Variants in VCAN observed in about 807,000 individuals in gnomAD.
VCAN encodes the protein versican core protein.
A neutral mutation model predicts 245.5 loss-of-function variants in VCAN; 44 were observed. The observed-to-expected ratio is 0.18, with a 90% CI of 0.14 to 0.23. VCAN has a LOEUF of 0.23. VCAN is among the 10% of genes least tolerant of loss of function. The pLI, the probability that VCAN is intolerant of heterozygous loss-of-function variation, is 1.00. For synonymous variants in VCAN, 1,413 were observed against 1,437.0 expected (o/e 0.98, Z 0.38); for missense variants, 3,793 against 4,057.9 (o/e 0.93, Z 1.77).
chr5:83,509,598 G>C (rs1745591392), intron 5 of VCAN, among the ~76,000 whole-genome samples: 1 of 152,194 alleles, frequency 6.6e-6, no homozygotes, highest in Admixed American at 6.5e-5. Context: ...AAGAGGAATG[G>C]TAGTTTCGCC....
rs772665644 is a variant in VCAN at position 83,539,625 on chromosome 5, G to T, written c.6622G>T (p.Ala2208Ser). 1.2e-5 allele frequency: 19 copies of T among 1,614,012 alleles called. No individual in the cohort carries two copies. Among genetic ancestry groups the T allele is most frequent in the Non-Finnish European group, 1.4e-5 (16 of 1,179,976 alleles). ...TACTGAAAAGTCACATTTTTTCTTAGCTACTGCATTAGTAACTGAATCTAT... is the reference window on the plus strand; with the variant it reads ...TACTGAAAAGTCACATTTTTTCTTATCTACTGCATTAGTAACTGAATCTAT... Reference protein sequence around the residue: ...EATEKSHFFLATALVTESIPA... With the variant: ...EATEKSHFFLSTALVTESIPA... Residue 2208 changes from alanine to serine, a missense_variant, in exon 8 of 15, where the codon GCT becomes TCT. Physicochemically the swap from Ala to Ser is moderately conservative, Grantham distance 99 (BLOSUM62 1). Transcript: ENST00000265077.
intron 1 of VCAN, among the ~76,000 whole-genome samples, chr5:83,474,977 CTT>C (rs1368753810): frequency 2.0e-5 from 3 of 152,110 alleles, no homozygotes; most frequent in East Asian, 1.9e-4. Flanking sequence ...AAAAATGAGA[CTT>C]TATACCGTAT....
At chr5:83,491,863 T>G (rs1744993065) in intron 3 of VCAN, among the ~76,000 whole-genome samples, 2 of 152,238 alleles carry the variant, frequency 1.3e-5, no homozygotes, top group East Asian at 3.8e-4. Context: ...CCAAGAAGAC[T>G]ATTTGAAGCT....
intron 12 of VCAN, among the ~76,000 whole-genome samples, chr5:83,563,102 G>A (rs1435118215): frequency 6.6e-6 from 1 of 152,178 alleles, no homozygotes; most frequent in Non-Finnish European, 1.5e-5. Context: ...CAGGCTGCCA[G>A]CATAGGGTAG....
chr5:83,565,738 C>T (rs1748054564), intron 12 of VCAN, among the ~76,000 whole-genome samples: 1 of 152,058 alleles, frequency 6.6e-6, no homozygotes, highest in Admixed American at 6.6e-5. Flanking sequence ...GCTCTTAAAA[C>T]TTCTTAGTCT....
At chr5:83,529,403 A>G (rs1039619172) in intron 7 of VCAN, among the ~76,000 whole-genome samples, 2 of 151,602 alleles carry the variant, frequency 1.3e-5, no homozygotes, top group African/African-American at 4.8e-5. Context: ...ACAAATAAAA[A>G]CCCAACACAC....
chr5:83,547,109 C>T (rs1028022101), intron 9 of VCAN, among the ~76,000 whole-genome samples: 25 of 152,082 alleles, frequency 1.6e-4, no homozygotes, highest in African/African-American at 5.6e-4. Flanking sequence ...CCAGGTATGC[C>T]TACTTAGGGG....
chr5:83,578,673 C>A (rs1748561554), intron 13 of VCAN, among the ~76,000 whole-genome samples: 1 of 151,860 alleles, frequency 6.6e-6, no homozygotes, highest in South Asian at 2.1e-4. Context: ...ATATTTGGTA[C>A]CAAGGTTTCT....
intron 7 of VCAN, among the ~76,000 whole-genome samples, chr5:83,524,408 A>G (rs573770877): frequency 3.9e-4 from 59 of 152,236 alleles, no homozygotes; most frequent in African/African-American, 1.3e-3. Context: ...AAACCGTGCA[A>G]TACTTGGTTA....
Position 83,490,416 on chromosome 5 carries a change from G to T in VCAN, c.389G>T (p.Cys130Phe). Residue 130 changes from cysteine to phenylalanine, a missense_variant, in exon 3 of 15, where the codon TGT (cysteine) becomes TTT (phenylalanine). By Grantham distance (205) the Cys-to-Phe change is radical. Transcript: ENST00000265077. Reference protein sequence around the residue: ...LLASDAGLYRCDVMYGIEDTQ... With the variant: ...LLASDAGLYRFDVMYGIEDTQ... ...GCAAGTGATGCGGGTCTTTACCGCTGTGACGTCATGTACGGGATTGAAGAC... is the reference window on the plus strand; with the variant it reads ...GCAAGTGATGCGGGTCTTTACCGCTTTGACGTCATGTACGGGATTGAAGAC... 6.2e-7 allele frequency: 1 copy of T among 1,614,192 alleles called. No homozygotes were observed. The highest frequency in any genetic ancestry group is 1.3e-5 in the African/African-American group (1 of 75,044).
At position 83,540,801 on chromosome 5, in the gene VCAN, G is replaced by A. The variant is rs1245128322; in HGVS notation, c.7798G>A (p.Glu2600Lys). The change falls in exon 8 of 15, where the codon GAG becomes AAG. Residue 2600 changes from glutamate (E) to lysine (K), a missense_variant. This residue lies in a region of VCAN where 3,182 missense variants were observed against 3,250.3 expected (regional missense o/e 0.98). Coordinates refer to ENST00000265077, the MANE Select transcript of VCAN (RefSeq NM_004385.5). ...TGGAATGCAAACAGATATAGATACA[G>A]AGGTACCATCAGAACCACATGACAG... The part of the protein sequence containing the change: ...ILGMQTDIDT[E>K]VPSEPHDSND... 6.2e-7 allele frequency: 1 copy of A among 1,613,982 alleles called. No individual in the cohort carries two copies. The highest frequency in any genetic ancestry group is 8.5e-7 in the Non-Finnish European group (1 of 1,179,974).
chr5:83,487,872 C>T (rs545058055), intron 2 of VCAN, among the ~76,000 whole-genome samples: 1 of 152,130 alleles, frequency 6.6e-6, no homozygotes, highest in African/African-American at 2.4e-5. Flanking sequence ...CTATATACTT[C>T]AAATTGTGAA....
rs766056072 is a variant in VCAN, at chr5:83,512,349, C to T, written c.995C>T (p.Thr332Ile). 2 of 1,610,570 alleles carry T rather than the reference C, an allele frequency of 1.2e-6. No homozygotes were observed. Among genetic ancestry groups the T allele is most frequent in the East Asian group, 4.5e-5 (2 of 44,760 alleles). ...ACCCTGTATCGTTTTGAGAACCAGA[C>T]AGGCTTCCCTCCCCCTGATAGCAGA... ...VRTLYRFENQ[T>I]GFPPPDSRFD... The change falls in exon 6 of 15, where the codon ACA becomes ATA. Residue 332 changes from threonine to isoleucine, a missense_variant. This residue lies in a region of VCAN where 190 missense variants were observed against 288.6 expected (regional missense o/e 0.66). Coordinates refer to ENST00000265077, the MANE Select transcript of VCAN (RefSeq NM_004385.5).
Position 83,580,499 on chromosome 5 carries a change from C to T in VCAN, c.*65C>T. On this transcript the variant is annotated 3_prime_UTR_variant, in exon 15 of 15. Transcript: ENST00000265077. Reference sequence around the variant, plus strand: ...AAAGTCCTAACTTCCTGTGCCTTTCCTATCACCTCGAGAAGTAATTATCAG... The same window carrying T: ...AAAGTCCTAACTTCCTGTGCCTTTCTTATCACCTCGAGAAGTAATTATCAG... 1 of 1,603,074 alleles carries T rather than the reference C, an allele frequency of 6.2e-7. No homozygotes were observed. Among genetic ancestry groups the T allele is most frequent in the African/African-American group, 1.3e-5 (1 of 74,790 alleles).
intron 11 of VCAN, 63 bp downstream of exon 11, chr5:83,553,585 C>A: frequency 6.2e-7 from 1 of 1,607,496 alleles, no homozygotes; most frequent in Non-Finnish European, 8.5e-7. Context: ...TTAGTTTTGT[C>A]TGTGTGCAAG....
chr5:83,534,721 T>C (rs1479395020), intron 7 of VCAN, among the ~76,000 whole-genome samples: 1 of 152,134 alleles, frequency 6.6e-6, no homozygotes, highest in Non-Finnish European at 1.5e-5. Flanking sequence ...AATTCAACTA[T>C]ATTCAAATAG....
At chr5:83,572,864 TA>T (rs1316983014) in intron 13 of VCAN, among the ~76,000 whole-genome samples, 27 of 31,734 alleles carry the variant, frequency 8.5e-4, no homozygotes, top group South Asian at 3.3e-3. Context: ...TTTTTATTTT[TA>T]TTTATTTATT....
At chr5:83,555,734 G>A (rs977988877) in intron 12 of VCAN, among the ~76,000 whole-genome samples, 10 of 152,134 alleles carry the variant, frequency 6.6e-5, no homozygotes, top group Admixed American at 2.6e-4. Flanking sequence ...CTGTTCATTA[G>A]AATCACCTGG....
chr5:83,547,190 A>G (rs1280958032), intron 9 of VCAN, among the ~76,000 whole-genome samples: 1 of 152,204 alleles, frequency 6.6e-6, no homozygotes, highest in African/African-American at 2.4e-5. Context: ...CTGACAGTCT[A>G]AGAAGGTCCT....
Sources: gnomAD v4.1 joint callset for allele counts (sites outside exome capture counted in the v4.1 genomes callset) on GRCh38, gnomAD v4.1.1 for gene constraint, gnomAD v4.1.1 regional missense constraint, MANE v1.5 for transcripts, NCBI Gene and HGNC (gene_info 2026-07-23, HGNC 2026-07-21) for gene names.